Variants in NEGR1 observed in about 807,000 individuals in gnomAD.
NEGR1 encodes the protein neuronal growth regulator 1.
A neutral mutation model predicts 40.9 loss-of-function variants in NEGR1; 10 were observed. That is an observed-to-expected ratio of 0.24 (90% CI 0.15 to 0.42). NEGR1 has a LOEUF of 0.42. Ranked by LOEUF, NEGR1 falls within the 10% of genes least tolerant of loss-of-function variation. The pLI, the probability that NEGR1 is intolerant of heterozygous loss-of-function variation, is 1.00. For missense variants in NEGR1, 352 were observed against 438.9 expected (o/e 0.80, Z 1.77); for synonymous variants, 185 against 166.8 (o/e 1.11, Z -0.84).
Position 71,990,912 on chromosome 1 carries a change from A to G in NEGR1, c.177-55601T>C, listed in dbSNP as rs553082116. Among the ~76,000 whole-genome samples, 12 of 119,484 alleles carry G rather than the reference A, an allele frequency of 1.0e-4. 1 individual carries two copies. In the East Asian group the frequency reaches 3.3e-3, roughly 33 times the overall value. The allele number at this position is 119,484 out of a possible 152,430, so 78.4% of individuals were successfully genotyped here. On this transcript the variant is annotated intron_variant, in intron 1 of 6. Coordinates refer to ENST00000357731, the MANE Select transcript of NEGR1 (RefSeq NM_173808.3). ...TATCTGTAGGCATATACATATATAT[A>G]TATATATTTTTTTTTTAATGACTAG... is the stretch of plus-strand genomic sequence containing the variant.
chr1:71,920,144 G>A (rs1213300835), intron 2 of NEGR1, among the ~76,000 whole-genome samples: 2 of 152,138 alleles, frequency 1.3e-5, no homozygotes, highest in Non-Finnish European at 2.9e-5. Flanking sequence ...CAGCTCCGAG[G>A]AGCTGTACAT....
chr1:71,947,086 T>G (rs1351278694), intron 1 of NEGR1, among the ~76,000 whole-genome samples: 2 of 102,116 alleles, frequency 2.0e-5, no homozygotes, highest in African/African-American at 3.6e-5. Flanking sequence ...AGATCCTGTC[T>G]CATACACACA....
At chr1:71,750,033 C>A (rs1655516487) in intron 3 of NEGR1, among the ~76,000 whole-genome samples, 1 of 148,194 alleles carries the variant, frequency 6.7e-6, no homozygotes, top group African/African-American at 2.5e-5. Context: ...GTCGCCCAGG[C>A]CGGACTGCGG....
intron 1 of NEGR1, among the ~76,000 whole-genome samples, chr1:72,167,267 T>C (rs577252545): frequency 6.6e-6 from 1 of 152,208 alleles, no homozygotes; most frequent in East Asian, 1.9e-4. Flanking sequence ...TTCCTTAAGC[T>C]TACCTCTTTA....
chr1:72,031,694 C>T (rs1646860110), intron 1 of NEGR1, among the ~76,000 whole-genome samples: 1 of 152,008 alleles, frequency 6.6e-6, no homozygotes, highest in African/African-American at 2.4e-5. Context: ...CACTGAGGTC[C>T]AGAGAGATTC....
chr1:72,265,801 C>A (rs535291606), intron 1 of NEGR1, among the ~76,000 whole-genome samples: 2 of 150,656 alleles, frequency 1.3e-5, no homozygotes, highest in Non-Finnish European at 3.0e-5. Flanking sequence ...TCATCATTAT[C>A]ATAACAGAAT....
chr1:71,685,838 C>T (rs1005187582), intron 4 of NEGR1, among the ~76,000 whole-genome samples: 3 of 152,096 alleles, frequency 2.0e-5, no homozygotes, highest in African/African-American at 4.8e-5. Flanking sequence ...ATTATATAAA[C>T]GTGAATTAAA....
At chr1:72,076,524 C>T (rs560724825) in intron 1 of NEGR1, among the ~76,000 whole-genome samples, 35 of 137,728 alleles carry the variant, frequency 2.5e-4, no homozygotes, top group African/African-American at 8.6e-4. Context: ...CCCCCTGCCT[C>T]ACCAACCTCA....
intron 6 of NEGR1, among the ~76,000 whole-genome samples, chr1:71,517,751 A>C: frequency 1.5e-5 from 1 of 67,380 alleles, no homozygotes; most frequent in South Asian, 8.0e-4. Context: ...AGAAGGAAAT[A>C]AAGGGTATTC....
chr1:71,746,207 C>A (rs1655377533), intron 3 of NEGR1, among the ~76,000 whole-genome samples: 1 of 152,102 alleles, frequency 6.6e-6, no homozygotes, highest in Non-Finnish European at 1.5e-5. Flanking sequence ...TGGCCATGAC[C>A]CTTATGATGA....
intron 6 of NEGR1, among the ~76,000 whole-genome samples, chr1:71,541,211 G>GT (rs1044954320): frequency 2.1e-4 from 32 of 151,362 alleles, no homozygotes; most frequent in Admixed American, 7.9e-4. Context: ...TGTAGGAAAG[G>GT]TTTTTTTTAA....
intron 2 of NEGR1, among the ~76,000 whole-genome samples, chr1:71,804,503 C>A (rs1657680814): frequency 6.6e-6 from 1 of 152,182 alleles, no homozygotes; most frequent in African/African-American, 2.4e-5. Flanking sequence ...GAAGCCATGG[C>A]AGAAGAACAT....
At chr1:71,573,240 G>A (rs9919188) in intron 6 of NEGR1, among the ~76,000 whole-genome samples, 8,968 of 152,234 alleles carry the variant, frequency 0.059, 493 homozygotes, top group African/African-American at 0.12. Flanking sequence ...GAGGGAAAAG[G>A]AATGAATTTG....
At chr1:71,742,689 G>A (rs1371030108) in intron 3 of NEGR1, among the ~76,000 whole-genome samples, 3 of 152,036 alleles carry the variant, frequency 2.0e-5, no homozygotes, top group African/African-American at 7.2e-5. Flanking sequence ...TTTGCCTCAG[G>A]ATGAATTAAA....
chr1:71,458,484 AAATATTTAT>A (rs1260325986), intron 6 of NEGR1, among the ~76,000 whole-genome samples: 1 of 152,202 alleles, frequency 6.6e-6, no homozygotes, highest in African/African-American at 2.4e-5. Flanking sequence ...GGTCCTAATT[AAATATTTAT>A]TTTTGAATGT....
chr1:71,748,876 C>T (rs777741906), intron 3 of NEGR1, among the ~76,000 whole-genome samples: 7 of 149,398 alleles, frequency 4.7e-5, no homozygotes, highest in Non-Finnish European at 8.9e-5. Context: ...ACAGGAGGAA[C>T]AAAAAAAAAT....
At chr1:71,682,484 T>C (rs900097263) in intron 4 of NEGR1, among the ~76,000 whole-genome samples, 1 of 152,234 alleles carries the variant, frequency 6.6e-6, no homozygotes, top group African/African-American at 2.4e-5. Flanking sequence ...AAGATATTCA[T>C]ATACAGAGTT....
chr1:72,049,866 G>C (rs1414277902), intron 1 of NEGR1, among the ~76,000 whole-genome samples: 1 of 151,588 alleles, frequency 6.6e-6, no homozygotes, highest in Non-Finnish European at 1.5e-5. Flanking sequence ...AACTTTCAAA[G>C]CAGCTATTTT....
intron 4 of NEGR1, among the ~76,000 whole-genome samples, chr1:71,685,557 T>A (rs938625524): frequency 2.6e-5 from 4 of 152,116 alleles, no homozygotes; most frequent in Non-Finnish European, 5.9e-5. Flanking sequence ...CCTGACTTTG[T>A]TCTCTGTCCG....
Sources: allele counts gnomAD v4.1 joint callset (sites outside exome capture counted in the v4.1 genomes callset), GRCh38; gene constraint gnomAD v4.1.1; transcripts MANE v1.5; gene names NCBI Gene and HGNC (gene_info 2026-07-23, HGNC 2026-07-21).